Variants in FLACC1 observed in about 807,000 individuals in gnomAD.
FLACC1 encodes flagellum-associated coiled-coil domain-containing protein 1.
A neutral mutation model predicts 62.8 loss-of-function variants in FLACC1; 66 were observed. The ratio of observed to expected loss-of-function variants is 1.05; its 90% CI spans 0.86 to 1.29. The LOEUF is 1.29. FLACC1 is among the 50% of genes most tolerant of loss of function. The pLI is 0.00. For missense variants in FLACC1, 452 were observed against 489.1 expected (o/e 0.92, Z 0.71); for synonymous variants, 156 against 161.0 (o/e 0.97, Z 0.24).
In FLACC1 at chr2:201,344,157, T is replaced by C; in HGVS notation, c.462+13A>G. ...TTGTCCATGAAGATGTTAGCTAATG[T>C]AAGGTCACTCACCAATTTCTGGGCA... On this transcript the variant is annotated intron_variant, in intron 6 of 14. Coordinates refer to ENST00000392257, the MANE Select transcript of FLACC1 (RefSeq NM_001127391.3). The C allele has an allele frequency of 6.3e-7, 1 of 1,589,782 alleles. No individual in the cohort carries two copies. Among genetic ancestry groups the C allele is most frequent in the South Asian group, 1.1e-5 (1 of 89,920 alleles).
chr2:201,330,355 G>C (rs1950567817), intron 9 of FLACC1, 115 bp downstream of exon 9: 1 of 1,047,030 alleles, frequency 9.6e-7, no homozygotes, highest in Non-Finnish European at 1.4e-6. Flanking sequence ...TAGGTCTAAG[G>C]ATGCTGGGAA....
chr2:201,330,054 T>C (rs1428816298), intron 9 of FLACC1, among the ~76,000 whole-genome samples: 1 of 152,184 alleles, frequency 6.6e-6, no homozygotes, highest in South Asian at 2.1e-4. Flanking sequence ...CAAGTCATTA[T>C]AAAGGAGGGA....
chr2:201,325,240 A>C (rs1296672107), intron 9 of FLACC1, among the ~76,000 whole-genome samples: 1 of 152,218 alleles, frequency 6.6e-6, no homozygotes, highest in Non-Finnish European at 1.5e-5. Context: ...CAAATTGACA[A>C]TGTCACACTG....
intron 7 of FLACC1, among the ~76,000 whole-genome samples, chr2:201,340,901 C>T (rs1950795168): frequency 6.6e-6 from 1 of 152,116 alleles, no homozygotes; most frequent in African/African-American, 2.4e-5. Flanking sequence ...GCAGTTTTTT[C>T]CTTCAGCACT....
rs1576447085 is a variant in FLACC1 at position 201,323,805 on chromosome 2, T to TAAAAAAAAAAAAAAAAAAAA, written c.675+6664_675+6665insTTTTTTTTTTTTTTTTTTTT. On this transcript the variant is annotated intron_variant, in intron 9 of 14. Transcript: ENST00000392257. ...CTATCAAAAAAAAAAAAAAAAAAAG[T>TAAAAAAAAAAAAAAAAAAAA]AAGGAAGGAAGGAAGGAAAGAAAAG... 1.5e-3 allele frequency among the ~76,000 whole-genome samples: 120 copies of TAAAAAAAAAAAAAAAAAAAA among 79,242 alleles called. 6 individuals carry two copies. Among genetic ancestry groups the TAAAAAAAAAAAAAAAAAAAA allele is most frequent in the Middle Eastern group, 7.1e-3 (1 of 140 alleles). The allele number at this position is 79,242 out of a possible 152,430, so 52.0% of individuals were successfully genotyped here. A position where few individuals can be genotyped will look rare whatever the true frequency, so the allele number is the denominator to read the frequency against.
intron 1 of FLACC1, among the ~76,000 whole-genome samples, chr2:201,356,120 G>A (rs796762929): frequency 5.9e-5 from 9 of 152,162 alleles, no homozygotes; most frequent in African/African-American, 2.2e-4. Context: ...AAGGGGCTTG[G>A]ACAATGGTCA....
intron 12 of FLACC1, among the ~76,000 whole-genome samples, chr2:201,295,536 T>C (rs891191956): frequency 1.3e-4 from 20 of 152,276 alleles, no homozygotes; most frequent in African/African-American, 4.1e-4. Flanking sequence ...ACTTAAATGT[T>C]AGACCTAAAA....
intron 6 of FLACC1, among the ~76,000 whole-genome samples, 183 bp from the exon 7 acceptor site, chr2:201,342,614 A>G (rs1466584155): frequency 6.6e-6 from 1 of 152,240 alleles, no homozygotes; most frequent in East Asian, 1.9e-4. Flanking sequence ...TTAATAAGGG[A>G]ACAGAACAAT....
intron 7 of FLACC1, among the ~76,000 whole-genome samples, chr2:201,340,645 G>A (rs1368719873): frequency 1.3e-5 from 2 of 152,144 alleles, no homozygotes; most frequent in African/African-American, 4.8e-5. Flanking sequence ...GGATAAAATT[G>A]TCTTACATCC....
upstream of FLACC1, among the ~76,000 whole-genome samples, chr2:201,359,603 C>A (rs1951167167): frequency 6.6e-6 from 1 of 152,140 alleles, no homozygotes; most frequent in Admixed American, 6.5e-5. Flanking sequence ...GGTTTATTAA[C>A]CTCATGAAAT....
intron 9 of FLACC1, among the ~76,000 whole-genome samples, chr2:201,318,267 G>A (rs1372813572): frequency 6.6e-6 from 1 of 152,180 alleles, no homozygotes; most frequent in Non-Finnish European, 1.5e-5. Context: ...AAACTAAAGA[G>A]CTTTTGCATG....
upstream of FLACC1, among the ~76,000 whole-genome samples, chr2:201,360,163 A>G (rs1951173018): frequency 6.6e-6 from 1 of 152,218 alleles, no homozygotes; most frequent in East Asian, 1.9e-4. Context: ...GAAGGTGTTT[A>G]GGGGCTAAGT....
intron 12 of FLACC1, among the ~76,000 whole-genome samples, chr2:201,290,228 G>T (rs1428983450): frequency 6.6e-6 from 1 of 152,074 alleles, no homozygotes; most frequent in Non-Finnish European, 1.5e-5. Flanking sequence ...TGACATATTA[G>T]GCAAAACCCA....
the FLACC1 span, among the ~76,000 whole-genome samples, chr2:201,363,571 G>A: frequency 6.6e-6 from 1 of 152,086 alleles, no homozygotes; most frequent in African/African-American, 2.4e-5. Context: ...GGCATTCGGA[G>A]CACCCATTTT....
At position 201,335,769 on chromosome 2, in the gene FLACC1, G is replaced by C. The variant is rs1189636320; in HGVS notation, c.525-4936C>G. Among the ~76,000 whole-genome samples the C allele has an allele frequency of 2.0e-5, 3 of 152,194 alleles. No homozygotes were observed. In the East Asian group the frequency reaches 5.8e-4, roughly 29 times the overall value. ...ATCTGTGTAATGCTTTGGGTAGCAT[G>C]ATCATTTAAACAATATTAATTCTTC... On this transcript the variant is annotated intron_variant, in intron 7 of 14. Transcript: ENST00000392257.
At chr2:201,310,522 G>A (rs571069632) in intron 9 of FLACC1, among the ~76,000 whole-genome samples, 65 of 152,154 alleles carry the variant, frequency 4.3e-4, no homozygotes, top group African/African-American at 1.5e-3. Flanking sequence ...GTCCTTTCCC[G>A]CCCCACTAGC....
chr2:201,309,481 C>G (rs1223163725), intron 9 of FLACC1, among the ~76,000 whole-genome samples: 1 of 152,096 alleles, frequency 6.6e-6, no homozygotes, highest in Non-Finnish European at 1.5e-5. Flanking sequence ...TTATGGAACC[C>G]AAAGGTCAAG....
intron 11 of FLACC1, among the ~76,000 whole-genome samples, chr2:201,304,473 G>A (rs1012188975): frequency 1.3e-5 from 2 of 152,148 alleles, no homozygotes; most frequent in African/African-American, 4.8e-5. Flanking sequence ...TCATGGATAG[G>A]AAGAATCAAT....
At chr2:201,304,506 C>T (rs1394780394) in intron 11 of FLACC1, among the ~76,000 whole-genome samples, 1 of 152,086 alleles carries the variant, frequency 6.6e-6, no homozygotes, top group African/African-American at 2.4e-5. Context: ...GCCATACTGC[C>T]CAAGGTAATT....
Sources: gnomAD v4.1 joint callset for allele counts (sites outside exome capture counted in the v4.1 genomes callset) on GRCh38, gnomAD v4.1.1 for gene constraint, MANE v1.5 for transcripts, NCBI Gene and HGNC (gene_info 2026-07-23, HGNC 2026-07-21) for gene names.